Variants in COL4A1 observed in about 807,000 individuals in gnomAD.
COL4A1 encodes the protein collagen alpha-1(IV) chain.
In COL4A1, 40 loss-of-function variants were observed where a neutral mutation model predicts 216.6. The observed-to-expected ratio is 0.18, with a 90% CI of 0.14 to 0.24. The LOEUF (loss-of-function observed/expected upper bound fraction) is 0.24. Ranked by LOEUF, COL4A1 falls within the 10% of genes least tolerant of loss-of-function variation. The pLI is 1.00. For synonymous variants in COL4A1, 839 were observed against 810.7 expected, an observed-to-expected ratio of 1.03 and a Z score of -0.59; for missense variants, 1,628 against 2,196.8, an observed-to-expected ratio of 0.74 and a Z score of 5.18.
At chr13:110,266,000 A>G (rs1393870249) in intron 1 of COL4A1, 1 of 152,134 alleles carries the variant, frequency 6.6e-6, no homozygotes, top group African/African-American at 2.4e-5. Context: ...CGTCACTGAG[A>G]GTCCTGGATG....
chr13:110,225,338 C>G (rs1032393515), intron 2 of COL4A1, among the ~76,000 whole-genome samples: 1 of 152,250 alleles, frequency 6.6e-6, no homozygotes, highest in African/African-American at 2.4e-5. Flanking sequence ...AATCCCAGCA[C>G]TTTGGGAGGC....
chr13:110,274,158 T>C (rs1883351371), intron 1 of COL4A1, among the ~76,000 whole-genome samples: 2 of 152,130 alleles, frequency 1.3e-5, no homozygotes, highest in South Asian at 2.1e-4. Context: ...ATGAACACAA[T>C]ACCTAATGAG....
Position 110,187,315 on chromosome 13 carries a change from T to G in COL4A1, c.1551A>C (p.Thr517=), listed in dbSNP as rs1431558455. The change falls in exon 25 of 52, where the codon ACA becomes ACC. Residue 517 remains threonine (T), a synonymous_variant. Coordinates refer to ENST00000375820, the MANE Select transcript of COL4A1 (RefSeq NM_001845.6). ...GVAGVPGPQG[T]PGLIGQPGAK... Reference sequence around the variant, plus strand: ...CTCCTGGCTGGCCTATCAGCCCTGGTGTACCTTGAGGGCCCTGTAAGAACA... The same window carrying G: ...CTCCTGGCTGGCCTATCAGCCCTGGGGTACCTTGAGGGCCCTGTAAGAACA... 4 of 1,612,248 alleles carry G rather than the reference T, an allele frequency of 2.5e-6. No homozygotes were observed. The highest frequency in any genetic ancestry group is 3.4e-6 in the Non-Finnish European group (4 of 1,179,848).
At chr13:110,283,298 T>C (rs951088891) in intron 1 of COL4A1, among the ~76,000 whole-genome samples, 2 of 152,264 alleles carry the variant, frequency 1.3e-5, no homozygotes, top group Non-Finnish European at 2.9e-5. Flanking sequence ...GAAAATTTTA[T>C]GTCAGCAGCT....
At chr13:110,248,658 A>AT (rs1290543991) in intron 1 of COL4A1, among the ~76,000 whole-genome samples, 9 of 152,052 alleles carry the variant, frequency 5.9e-5, no homozygotes, top group Non-Finnish European at 1.2e-4. Flanking sequence ...CGCCAGGATA[A>AT]TTTTTTTGTA....
Position 110,276,454 on chromosome 13 carries a change from C to T in COL4A1, c.84+30490G>A, listed in dbSNP as rs889643665. The stretch of plus-strand genomic sequence containing the variant: ...CCTTCAAGACTGATTCTCGTTGTAC[C>T]GCCAAATCCATCTCCTCTGCTGAGG... On this transcript the variant is annotated intron_variant, in intron 1 of 51. Coordinates refer to ENST00000375820, the MANE Select transcript of COL4A1 (RefSeq NM_001845.6). Among the ~76,000 whole-genome samples the T allele has an allele frequency of 9.9e-5, 15 of 152,194 alleles. No individual in the cohort carries two copies. The East Asian group carries it at 2.1e-3, about 22-fold the overall frequency.
At chr13:110,272,465 C>G (rs1266399802) in intron 1 of COL4A1, among the ~76,000 whole-genome samples, 1 of 152,144 alleles carries the variant, frequency 6.6e-6, no homozygotes, top group Non-Finnish European at 1.5e-5. Context: ...CCCCTAAACC[C>G]TTCTGAGCAC....
intron 2 of COL4A1, among the ~76,000 whole-genome samples, chr13:110,232,216 T>G (rs1881094692): frequency 6.6e-6 from 1 of 152,218 alleles, no homozygotes; most frequent in Non-Finnish European, 1.5e-5. Context: ...ACTTTTACCA[T>G]GTTTAATGGA....
intron 8 of COL4A1, 67 bp from the exon 9 acceptor site, chr13:110,210,279 C>T (rs1374565871): frequency 2.0e-6 from 3 of 1,481,514 alleles, no homozygotes; most frequent in Non-Finnish European, 2.8e-6. Context: ...GCTGAAAACT[C>T]TTTGATAGTT....
In COL4A1 at chr13:110,209,253, T is replaced by G. The variant is rs1298194953; in HGVS notation, c.651+139A>C. On this transcript the variant is annotated intron_variant, in intron 11 of 51. Transcript: ENST00000375820. The stretch of plus-strand genomic sequence containing the variant: ...TAGATAATAAATGATATATGATAGA[T>G]ACTTAAAGGTATAGTTAGATATAGT... 16 of 689,110 alleles carry G rather than the reference T, an allele frequency of 2.3e-5. No individual in the cohort carries two copies. In the East Asian group the frequency reaches 4.2e-4, roughly 18 times the overall value. The allele number at this position is 689,110 out of a possible 1,614,324, so 42.7% of individuals were successfully genotyped here. A position where few individuals can be genotyped will look rare whatever the true frequency, so the allele number is the denominator to read the frequency against.
intron 2 of COL4A1, among the ~76,000 whole-genome samples, chr13:110,239,279 C>T (rs1158016029): frequency 2.0e-5 from 3 of 152,068 alleles, no homozygotes; most frequent in Admixed American, 6.6e-5. Context: ...GTCATATCGC[C>T]ATAGAAAGCA....
At chr13:110,157,184 G>C (rs1876824475) in intron 49 of COL4A1, among the ~76,000 whole-genome samples, 1 of 152,226 alleles carries the variant, frequency 6.6e-6, no homozygotes, top group Non-Finnish European at 1.5e-5. Flanking sequence ...GCCAGGGTTA[G>C]TTGTGTCCAA....
Position 110,149,571 on chromosome 13 carries a change from A to G in COL4A1, c.*792T>C, listed in dbSNP as rs1380745409. 6.6e-6 allele frequency: 1 copy of G among 152,652 alleles called. No individual in the cohort carries two copies. Among genetic ancestry groups the G allele is most frequent in the Non-Finnish European group, 1.5e-5 (1 of 68,042 alleles). The allele number at this position is 152,652 out of a possible 1,614,324, so 9.5% of individuals were successfully genotyped here. ...AGTGAACAATGAAAACGGATGTTTC[A>G]CATTCAATATCCTAGTCTTTAAAAA... On this transcript the variant is annotated 3_prime_UTR_variant, in exon 52 of 52. Coordinates refer to ENST00000375820, the MANE Select transcript of COL4A1 (RefSeq NM_001845.6).
chr13:110,172,305 G>A (rs1877682966), intron 41 of COL4A1, among the ~76,000 whole-genome samples: 1 of 152,204 alleles, frequency 6.6e-6, no homozygotes. Flanking sequence ...GCTGCACTTA[G>A]TACTGAGCAC....
In COL4A1 at chr13:110,179,457, T is replaced by C. The variant is rs199971496; in HGVS notation, c.2194-36A>G. ...CCAAAGCACAGAGAAGCAAATTGATTTGCAAAGTCAGTATTTTTATCAAAC... is the reference window on the plus strand; with the variant it reads ...CCAAAGCACAGAGAAGCAAATTGATCTGCAAAGTCAGTATTTTTATCAAAC... On this transcript the variant is annotated intron_variant, in intron 29 of 51. Transcript: ENST00000375820. The C allele has an allele frequency of 5.1e-5, 82 of 1,613,850 alleles. 1 individual carries two copies. In the East Asian group the frequency reaches 1.8e-3, roughly 36 times the overall value.
intron 1 of COL4A1, among the ~76,000 whole-genome samples, chr13:110,259,096 C>T (rs1041140951): frequency 1.3e-5 from 2 of 152,238 alleles, no homozygotes; most frequent in Non-Finnish European, 2.9e-5. Flanking sequence ...CTGACGCGTG[C>T]GCCCTTTGCT....
At chr13:110,159,135 T>C (rs1594533294) in intron 49 of COL4A1, among the ~76,000 whole-genome samples, 1 of 152,328 alleles carries the variant, frequency 6.6e-6, no homozygotes, top group South Asian at 2.1e-4. Flanking sequence ...TCTTACTTCC[T>C]ATCAGGGAGG....
At chr13:110,186,682 T>C in intron 25 of COL4A1, 129 bp from the exon 26 acceptor site, 1 of 1,211,378 alleles carries the variant, frequency 8.3e-7, no homozygotes, top group Middle Eastern at 2.2e-4. Flanking sequence ...ATTTACTTCA[T>C]CTACCCTCCC....
chr13:110,156,830 G>A (rs1876807586), intron 49 of COL4A1, among the ~76,000 whole-genome samples: 2 of 152,170 alleles, frequency 1.3e-5, no homozygotes, highest in Non-Finnish European at 2.9e-5. Context: ...AGGGGGAATA[G>A]GGCTGAATGA....
Sources: gnomAD v4.1 joint callset for allele counts (sites outside exome capture counted in the v4.1 genomes callset) on GRCh38, gnomAD v4.1.1 for gene constraint, MANE v1.5 for transcripts, NCBI Gene and HGNC (gene_info 2026-07-23, HGNC 2026-07-21) for gene names.